ADCK1: variants seen among roughly 807,000 people sequenced by gnomAD.
The protein encoded by ADCK1 is aarF domain-containing protein kinase 1.
A neutral mutation model predicts 52.3 loss-of-function variants in ADCK1; 41 were observed. The ratio of observed to expected loss-of-function variants is 0.78; its 90% CI spans 0.61 to 1.02. The LOEUF is 1.02. Among genes scored for constraint, ADCK1 ranks in the 50% least tolerant of loss-of-function variants. ADCK1 has a pLI of 0.00. For synonymous variants in ADCK1, 250 were observed against 274.6 expected, an observed-to-expected ratio of 0.91 and a Z score of 0.89; for missense variants, 658 against 679.5, an observed-to-expected ratio of 0.97 and a Z score of 0.35.
At position 77,907,907 on chromosome 14, in the gene ADCK1, C is replaced by T. The variant is rs749467779; in HGVS notation, c.846C>T (p.Ile282=). ...NDRDYMERNK[I]DVNEISRHLG... is the part of the protein sequence containing the mutation. ...GAGACTACATGGAGAGGAACAAGAT[C>T]GACGTCAATGAGGTGAGGTCAAGAG... The change falls in exon 7 of 11, where the codon ATC becomes ATT. Residue 282 remains isoleucine (I), a synonymous_variant. Transcript: ENST00000238561. The T allele has an allele frequency of 6.2e-6, 10 of 1,613,696 alleles. No individual in the cohort carries two copies. The highest frequency in any genetic ancestry group is 1.6e-4 in the Middle Eastern group (1 of 6,062).
At position 77,931,679 on chromosome 14, in the gene ADCK1, C is replaced by T; in HGVS notation, c.1368C>T (p.Asn456=). The T allele has an allele frequency of 6.2e-7, 1 of 1,607,004 alleles. No homozygotes were observed. Among genetic ancestry groups the T allele is most frequent in the Non-Finnish European group, 8.5e-7 (1 of 1,179,964 alleles). ...GCGCCAGCGCCAGCTCCTTTCTCAA[C>T]ATGTCACGTTGCTGCATCAGAGCGC... The part of the protein sequence containing the change: ...GTRASASSFL[N]MSRCCIRALA... The change falls in exon 10 of 11, where the codon AAC becomes AAT. Residue 456 remains asparagine, a synonymous_variant. Transcript: ENST00000238561.
At chr14:77,869,566 G>A (rs1183804566) in intron 4 of ADCK1, among the ~76,000 whole-genome samples, 1 of 152,160 alleles carries the variant, frequency 6.6e-6, no homozygotes, top group Non-Finnish European at 1.5e-5. Flanking sequence ...CTAGGCTGGG[G>A]TTAGGACTTC....
intron 3 of ADCK1, among the ~76,000 whole-genome samples, chr14:77,840,525 A>G (rs12879726): frequency 0.38 from 58,430 of 151,818 alleles, 12,004 homozygotes; most frequent in Admixed American, 0.51. Context: ...GTAATTCTGG[A>G]TAATCTCACT....
chr14:77,901,845 G>A (rs2083554448), intron 6 of ADCK1, among the ~76,000 whole-genome samples: 1 of 152,156 alleles, frequency 6.6e-6, no homozygotes, highest in South Asian at 2.1e-4. Flanking sequence ...CAACAGTGCA[G>A]GGCTTGGAGG....
chr14:77,804,326 T>G (rs1359803844), intron 1 of ADCK1, among the ~76,000 whole-genome samples: 1 of 152,220 alleles, frequency 6.6e-6, no homozygotes, highest in Non-Finnish European at 1.5e-5. Flanking sequence ...AGCAACTCAT[T>G]TGCATGTTAA....
chr14:77,843,068 T>G (rs2082109601), intron 3 of ADCK1, among the ~76,000 whole-genome samples: 1 of 152,022 alleles, frequency 6.6e-6, no homozygotes, highest in African/African-American at 2.4e-5. Flanking sequence ...TAAAAAATTT[T>G]TTTTGTAGAC....
At chr14:77,875,470 G>A (rs1356806247) in intron 4 of ADCK1, among the ~76,000 whole-genome samples, 1 of 147,118 alleles carries the variant, frequency 6.8e-6, no homozygotes, top group Non-Finnish European at 1.5e-5. Context: ...ACAGCCTACG[G>A]TCCCTGGTTT....
rs528429029 is a variant in ADCK1 at position 77,909,415 on chromosome 14, G to A, written c.858+1496G>A. Among the ~76,000 whole-genome samples, 4 of 152,278 alleles carry A rather than the reference G, an allele frequency of 2.6e-5. No individual in the cohort carries two copies. In the East Asian group the frequency reaches 7.7e-4, roughly 29 times the overall value. ...CTCCCAAAGTGCTGGGATTACAGGC[G>A]TGAGCCACCGCGCCTGGCTGTGAAT... On this transcript the variant is annotated intron_variant, in intron 7 of 10. Transcript: ENST00000238561.
intron 3 of ADCK1, among the ~76,000 whole-genome samples, chr14:77,849,134 G>A (rs1396345273): frequency 2.0e-5 from 3 of 152,142 alleles, no homozygotes; most frequent in African/African-American, 4.8e-5. Flanking sequence ...GGCCACAGTG[G>A]CATAATTATG....
chr14:77,827,940 T>C (rs761263483), intron 3 of ADCK1: 82 of 352,566 alleles, frequency 2.3e-4, no homozygotes, highest in Non-Finnish European at 4.3e-4. Context: ...GTGATTCTCC[T>C]GCCTCAGCCT....
intron 8 of ADCK1, among the ~76,000 whole-genome samples, chr14:77,925,343 C>T (rs544570222): frequency 9.2e-5 from 14 of 152,336 alleles, no homozygotes; most frequent in Admixed American, 9.2e-4. Context: ...TCCCAAGCCT[C>T]ACCAGAGGTG....
intron 3 of ADCK1, among the ~76,000 whole-genome samples, chr14:77,840,790 G>T (rs564418555): frequency 6.6e-6 from 1 of 151,920 alleles, no homozygotes; most frequent in East Asian, 1.9e-4. Context: ...GGAGGTGGCA[G>T]TGAGCTGAGA....
chr14:77,859,402 A>T (rs1594954081), intron 4 of ADCK1, 123 bp downstream of exon 4: 6 of 926,952 alleles, frequency 6.5e-6, no homozygotes, highest in Non-Finnish European at 9.5e-6. Flanking sequence ...CAAATGTCAC[A>T]GCCACTCTCA....
chr14:77,822,928 G>C (rs2081613089), intron 3 of ADCK1, among the ~76,000 whole-genome samples: 1 of 152,152 alleles, frequency 6.6e-6, no homozygotes, highest in Non-Finnish European at 1.5e-5. Flanking sequence ...GAGTACAAGG[G>C]TCTGGGATGA....
chr14:77,867,535 C>T (rs777695021), intron 4 of ADCK1, among the ~76,000 whole-genome samples: 4 of 152,178 alleles, frequency 2.6e-5, no homozygotes, highest in Admixed American at 2.0e-4. Context: ...AGAGAGATTT[C>T]GGCCATAAAA....
At position 77,907,832 on chromosome 14, in the gene ADCK1, G is replaced by C. The variant is rs768606266; in HGVS notation, c.771G>C (p.Thr257=). The change falls in exon 7 of 11, where the codon ACG becomes ACC. Residue 257 remains threonine (T), a synonymous_variant. Coordinates refer to ENST00000238561, the MANE Select transcript of ADCK1 (RefSeq NM_020421.4). ...CCCGAATCCACTGGGACCTGTCCAC[G>C]GAGCGGGTCCTCCTGATGGAGTTTG... ...KVPRIHWDLS[T]ERVLLMEFVD... The C allele has an allele frequency of 1.9e-6, 3 of 1,614,050 alleles. No homozygotes were observed. Among genetic ancestry groups the C allele is most frequent in the Non-Finnish European group, 2.5e-6 (3 of 1,179,948 alleles).
Position 77,809,293 on chromosome 14 carries a change from A to G in ADCK1, c.-12+9123A>G, listed in dbSNP as rs116542995. Among the ~76,000 whole-genome samples the G allele has an allele frequency of 4.0e-4, 61 of 152,262 alleles. 1 individual carries two copies. The highest frequency in any genetic ancestry group is 1.5e-3 in the African/African-American group (61 of 41,574). On this transcript the variant is annotated intron_variant, in intron 1 of 10. Transcript: ENST00000238561. ...AATGGTTGAGTAGTTCAGGCAAGAT[A>G]TGATGGCCTACTTCCCCTGTTTATG...
At chr14:77,872,416 C>G (rs1421203932) in intron 4 of ADCK1, among the ~76,000 whole-genome samples, 1 of 152,182 alleles carries the variant, frequency 6.6e-6, no homozygotes, top group African/African-American at 2.4e-5. Context: ...GACCGCACAT[C>G]TTGCCTTCCG....
chr14:77,840,606 G>A (rs1447106100), intron 3 of ADCK1, among the ~76,000 whole-genome samples: 1 of 152,102 alleles, frequency 6.6e-6, no homozygotes, highest in South Asian at 2.1e-4. Flanking sequence ...CCAGCACTTT[G>A]GGAGGCTGAG....
Sources: gnomAD v4.1 joint callset for allele counts (sites outside exome capture counted in the v4.1 genomes callset) on GRCh38, gnomAD v4.1.1 for gene constraint, MANE v1.5 for transcripts, NCBI Gene and HGNC (gene_info 2026-07-23, HGNC 2026-07-21) for gene names.